The following PLXNA4 variants were observed in gnomAD, a reference collection of about 807,000 sequenced individuals.
PLXNA4 encodes plexin A4.
In PLXNA4, 44 loss-of-function variants were observed where a neutral mutation model predicts 191.8. The observed-to-expected ratio is 0.23, with a 90% CI of 0.18 to 0.29. The LOEUF (loss-of-function observed/expected upper bound fraction) is 0.29. Among genes scored for constraint, PLXNA4 ranks in the 10% least tolerant of loss-of-function variants. The pLI is 1.00. For synonymous variants in PLXNA4, 1,082 were observed against 1,009.5 expected (o/e 1.07, Z -1.36); for missense variants, 1,800 against 2,488.8 (o/e 0.72, Z 5.89).
chr7:132,570,884 T>C (rs918781557), intron 1 of PLXNA4, among the ~76,000 whole-genome samples: 2 of 152,124 alleles, frequency 1.3e-5, no homozygotes, highest in Non-Finnish European at 2.9e-5. Flanking sequence ...ATGCCTGAGA[T>C]CTCTCCAACA....
At chr7:132,541,061 C>T (rs1800058638) in intron 1 of PLXNA4, among the ~76,000 whole-genome samples, 1 of 152,090 alleles carries the variant, frequency 6.6e-6, no homozygotes, top group Non-Finnish European at 1.5e-5. Flanking sequence ...TCAAAGGATT[C>T]CCAAGGAAAA....
intron 3 of PLXNA4, among the ~76,000 whole-genome samples, chr7:132,449,392 G>A (rs1475409679): frequency 1.3e-5 from 2 of 152,162 alleles, no homozygotes; most frequent in Admixed American, 6.5e-5. Flanking sequence ...AATGAAGCTG[G>A]TGCCACCATG....
At chr7:132,505,794 C>T (rs1343077868) in intron 2 of PLXNA4, among the ~76,000 whole-genome samples, 1 of 152,146 alleles carries the variant, frequency 6.6e-6, no homozygotes, top group Non-Finnish European at 1.5e-5. Flanking sequence ...ATAGACATGT[C>T]CAGAACAGCC....
chr7:132,165,307 C>A lies in PLXNA4; in HGVS notation c.4287-107G>T, dbSNP rs964579667. 2.8e-6 allele frequency: 4 copies of A among 1,450,208 alleles called. No homozygotes were observed. The African/African-American group carries it at 5.7e-5, about 21-fold the overall frequency. 89.8% of individuals were successfully genotyped at this position (1,450,208 alleles called of 1,614,324 possible). ...AGGGAGGAATTGTGCATTGATCTTGCTGCTTCTAGCGTTTAGGCCAAACCT... is the reference window on the plus strand; with the variant it reads ...AGGGAGGAATTGTGCATTGATCTTGATGCTTCTAGCGTTTAGGCCAAACCT... On this transcript the variant is annotated intron_variant, in intron 22 of 31. Transcript: ENST00000321063.
chr7:132,446,653 C>T (rs1382702534), intron 3 of PLXNA4, among the ~76,000 whole-genome samples: 1 of 152,212 alleles, frequency 6.6e-6, no homozygotes, highest in Non-Finnish European at 1.5e-5. Context: ...AGCTCTTCCC[C>T]TATATCAAGC....
At chr7:132,481,974 G>T (rs890289956) in intron 3 of PLXNA4, among the ~76,000 whole-genome samples, 6 of 152,190 alleles carry the variant, frequency 3.9e-5, no homozygotes, top group Non-Finnish European at 5.9e-5. Flanking sequence ...CCAAAAGACA[G>T]GATTCAGTGC....
At chr7:132,230,342 G>A (rs1798483622) in intron 5 of PLXNA4, among the ~76,000 whole-genome samples, 1 of 152,144 alleles carries the variant, frequency 6.6e-6, no homozygotes, top group Non-Finnish European at 1.5e-5. Flanking sequence ...CCATCCTGAT[G>A]CCCCCTTCAT....
At chr7:132,539,608 C>G (rs1253856441) in intron 1 of PLXNA4, among the ~76,000 whole-genome samples, 1 of 152,202 alleles carries the variant, frequency 6.6e-6, no homozygotes, top group Non-Finnish European at 1.5e-5. Flanking sequence ...ACACTTAAGT[C>G]TTTCCATCTG....
intron 3 of PLXNA4, among the ~76,000 whole-genome samples, chr7:132,471,741 C>CT (rs1220130199): frequency 7.9e-5 from 12 of 152,188 alleles, no homozygotes; most frequent in Non-Finnish European, 1.6e-4. Context: ...GAGGGGCGCT[C>CT]TTTCAAACTC....
intron 2 of PLXNA4, among the ~76,000 whole-genome samples, chr7:132,500,479 GAGGGGA>G (rs986111104): frequency 6.6e-6 from 1 of 151,748 alleles, no homozygotes; most frequent in African/African-American, 2.4e-5. Context: ...GAAGGAGGGG[GAGGGGA>G]AGGGGAAGGG....
At chr7:132,476,169 A>C (rs1361529498) in intron 3 of PLXNA4, among the ~76,000 whole-genome samples, 2 of 152,148 alleles carry the variant, frequency 1.3e-5, no homozygotes, top group Non-Finnish European at 2.9e-5. Context: ...ATGTGTGAGT[A>C]TATCTTATCC....
intron 3 of PLXNA4, among the ~76,000 whole-genome samples, chr7:132,386,926 T>C (rs1805173643): frequency 6.6e-6 from 1 of 152,230 alleles, no homozygotes. Context: ...AAATTTCCCA[T>C]CTACTGTAGA....
chr7:132,294,211 C>T (rs892750555), intron 4 of PLXNA4, among the ~76,000 whole-genome samples: 7 of 152,222 alleles, frequency 4.6e-5, no homozygotes, highest in Non-Finnish European at 7.4e-5. Flanking sequence ...ACTCAGGGGA[C>T]GCAGATACCT....
intron 1 of PLXNA4, among the ~76,000 whole-genome samples, chr7:132,532,033 A>G (rs947748220): frequency 3.9e-5 from 6 of 152,230 alleles, no homozygotes; most frequent in Admixed American, 3.3e-4. Flanking sequence ...GCCTCAGTCC[A>G]AAGTTTTTTT....
At chr7:132,135,603 T>A (rs1411421307) in intron 30 of PLXNA4, among the ~76,000 whole-genome samples, 1 of 152,230 alleles carries the variant, frequency 6.6e-6, no homozygotes, top group African/African-American at 2.4e-5. Context: ...CACAGTGTCT[T>A]GCCTCATGGT....
At chr7:132,230,795 C>T (rs1230038496) in intron 5 of PLXNA4, among the ~76,000 whole-genome samples, 1 of 152,192 alleles carries the variant, frequency 6.6e-6, no homozygotes, top group African/African-American at 2.4e-5. Flanking sequence ...GTTCCTATTT[C>T]TAAGAGCAAT....
intron 2 of PLXNA4, among the ~76,000 whole-genome samples, chr7:132,601,577 G>A (rs1306081365): frequency 6.6e-6 from 1 of 152,206 alleles, no homozygotes; most frequent in Non-Finnish European, 1.5e-5. Flanking sequence ...TGGATAAGGA[G>A]GTGACCTTGG....
intron 3 of PLXNA4, among the ~76,000 whole-genome samples, chr7:132,369,298 C>T (rs926987667): frequency 2.0e-5 from 3 of 152,214 alleles, no homozygotes; most frequent in African/African-American, 4.8e-5. Context: ...AGACGTATCA[C>T]CAGACCCCTT....
intron 14 of PLXNA4, among the ~76,000 whole-genome samples, chr7:132,188,551 C>G (rs148680600): frequency 6.6e-6 from 1 of 152,130 alleles, no homozygotes; most frequent in Non-Finnish European, 1.5e-5. Context: ...CTGGCACATG[C>G]GCCTCCAGGT....
Sources: gnomAD v4.1 joint callset for allele counts (sites outside exome capture counted in the v4.1 genomes callset) on GRCh38, gnomAD v4.1.1 for gene constraint, MANE v1.5 for transcripts, NCBI Gene and HGNC (gene_info 2026-07-23, HGNC 2026-07-21) for gene names.